CDH18: variants seen among roughly 807,000 people sequenced by gnomAD.
CDH18 encodes cadherin-18.
A neutral mutation model predicts 67.9 loss-of-function variants in CDH18; 31 were observed. The ratio of observed to expected loss-of-function variants is 0.46; its 90% CI spans 0.34 to 0.62. The LOEUF is 0.62. CDH18 is among the 20% of genes least tolerant of loss of function. CDH18 has a pLI of 0.01. For synonymous variants in CDH18, 362 were observed against 347.2 expected, an observed-to-expected ratio of 1.04 and a Z score of -0.48; for missense variants, 890 against 975.5, an observed-to-expected ratio of 0.91 and a Z score of 1.17.
chr5:20,247,914 A>G (rs1202505597), intron 2 of CDH18, among the ~76,000 whole-genome samples: 2 of 152,184 alleles, frequency 1.3e-5, no homozygotes, highest in Non-Finnish European at 2.9e-5. Flanking sequence ...GGAAGATCAC[A>G]TATTTAGAAA....
intron 2 of CDH18, among the ~76,000 whole-genome samples, chr5:20,196,174 T>C (rs574328355): frequency 2.6e-5 from 4 of 152,292 alleles, no homozygotes; most frequent in Non-Finnish European, 5.9e-5. Flanking sequence ...CATCACAATT[T>C]TCCTTTCTGA....
intron 2 of CDH18, among the ~76,000 whole-genome samples, chr5:20,112,227 C>G (rs1747537787): frequency 6.6e-6 from 1 of 152,084 alleles, no homozygotes; most frequent in African/African-American, 2.4e-5. Flanking sequence ...AATAATCCAC[C>G]CCAAGTCAGT....
At chr5:20,432,747 T>C (rs1407148408) in intron 1 of CDH18, among the ~76,000 whole-genome samples, 1 of 151,966 alleles carries the variant, frequency 6.6e-6, no homozygotes, top group Non-Finnish European at 1.5e-5. Context: ...AACAATCCTA[T>C]TTTAACTTAA....
intron 2 of CDH18, among the ~76,000 whole-genome samples, chr5:20,024,951 G>A (rs1001384794): frequency 3.9e-5 from 6 of 151,970 alleles, no homozygotes; most frequent in Non-Finnish European, 5.9e-5. Flanking sequence ...GACCTGCAGA[G>A]TCCTTAATAT....
intron 2 of CDH18, among the ~76,000 whole-genome samples, chr5:19,967,302 C>A (rs1797547647): frequency 6.6e-6 from 1 of 151,824 alleles, no homozygotes; most frequent in Admixed American, 6.6e-5. Context: ...AGACTTTTGA[C>A]CTTAAAGAAA....
At chr5:20,258,959 C>G (rs1001470990) in intron 1 of CDH18, among the ~76,000 whole-genome samples, 1 of 152,074 alleles carries the variant, frequency 6.6e-6, no homozygotes, top group African/African-American at 2.4e-5. Context: ...CCTAGGTAAG[C>G]CGTGTCCAAA....
intron 1 of CDH18, among the ~76,000 whole-genome samples, chr5:20,352,605 C>CCCGT (rs933669110): frequency 1.4e-5 from 2 of 147,342 alleles, no homozygotes; most frequent in African/African-American, 5.1e-5. Flanking sequence ...ACGGTGAAAC[C>CCCGT]CCGTCTCTAC....
chr5:20,267,219 C>T (rs1745108578), intron 1 of CDH18, among the ~76,000 whole-genome samples: 2 of 152,296 alleles, frequency 1.3e-5, no homozygotes, highest in South Asian at 4.1e-4. Context: ...TTCTTATCAT[C>T]TTTGTCAAAG....
intron 5 of CDH18, among the ~76,000 whole-genome samples, chr5:19,664,869 T>C (rs1368668954): frequency 1.3e-5 from 2 of 152,022 alleles, no homozygotes; most frequent in Non-Finnish European, 2.9e-5. Flanking sequence ...TCAAGGACCA[T>C]GTCAGTTTTA....
At chr5:20,413,538 T>C (rs1004493787) in intron 1 of CDH18, among the ~76,000 whole-genome samples, 8 of 152,238 alleles carry the variant, frequency 5.3e-5, no homozygotes, top group Non-Finnish European at 8.8e-5. Flanking sequence ...ATTGTGGTTT[T>C]GATTTGCATT....
At chr5:20,293,268 G>A (rs1747240923) in intron 1 of CDH18, among the ~76,000 whole-genome samples, 1 of 152,088 alleles carries the variant, frequency 6.6e-6, no homozygotes, top group Admixed American at 6.6e-5. Context: ...AGTGAGCTGA[G>A]ATCACGCCAT....
Position 20,407,116 on chromosome 5 carries a change from A to G in CDH18, c.-579-151611T>C, listed in dbSNP as rs145137864. 1.2e-4 allele frequency among the ~76,000 whole-genome samples: 19 copies of G among 152,304 alleles called. No individual in the cohort carries two copies. The East Asian group carries it at 3.7e-3, about 29-fold the overall frequency. ...TAGACCCCCAGGTATTTAAAAGAAC[A>G]ATATAGTAGTCTAAACTGGCACAGA... On this transcript the variant is annotated intron_variant, in intron 1 of 14. Transcript: ENST00000507958.
At chr5:20,159,425 A>C (rs1189983353) in intron 2 of CDH18, among the ~76,000 whole-genome samples, 1 of 152,190 alleles carries the variant, frequency 6.6e-6, no homozygotes, top group African/African-American at 2.4e-5. Context: ...GCCAGGAGTA[A>C]AGTTCGACTA....
intron 2 of CDH18, among the ~76,000 whole-genome samples, chr5:19,878,700 A>C (rs537490116): frequency 1.3e-5 from 2 of 152,154 alleles, no homozygotes; most frequent in Non-Finnish European, 2.9e-5. Flanking sequence ...GTTCATAAAC[A>C]TTAAGCAACT....
chr5:19,929,581 A>T (rs568888665), intron 2 of CDH18, among the ~76,000 whole-genome samples: 1 of 152,186 alleles, frequency 6.6e-6, no homozygotes, highest in South Asian at 2.1e-4. Flanking sequence ...AACAATTTTT[A>T]ATTTTGATGT....
chr5:20,471,531 G>T (rs1006062678), intron 1 of CDH18, among the ~76,000 whole-genome samples: 1 of 152,062 alleles, frequency 6.6e-6, no homozygotes, highest in Admixed American at 6.5e-5. Flanking sequence ...GCAGGGCACG[G>T]TGGCTCACAC....
At chr5:20,250,449 C>T (rs373518152) in intron 2 of CDH18, among the ~76,000 whole-genome samples, 4 of 151,930 alleles carry the variant, frequency 2.6e-5, no homozygotes, top group East Asian at 3.9e-4. Context: ...CCCGCCACCA[C>T]GCCCAGTTAA....
chr5:19,639,168 A>G (rs1189905855), intron 5 of CDH18, among the ~76,000 whole-genome samples: 1 of 151,578 alleles, frequency 6.6e-6, no homozygotes, highest in African/African-American at 2.4e-5. Flanking sequence ...ATGCCTGGCT[A>G]ATTTTTTGTA....
Position 20,108,635 on chromosome 5 carries a change from C to T in CDH18, c.-517-116621G>A, listed in dbSNP as rs534337658. Reference sequence around the variant, plus strand: ...TTCATCTCCGCCTCCCTACTAACCACAGCCTAGCATACCTGGATCAGCTTA... The same window carrying T: ...TTCATCTCCGCCTCCCTACTAACCATAGCCTAGCATACCTGGATCAGCTTA... On this transcript the variant is annotated intron_variant, in intron 2 of 14. Coordinates refer to the CDH18 transcript ENST00000507958. 7.2e-5 allele frequency among the ~76,000 whole-genome samples: 11 copies of T among 152,248 alleles called. 1 individual carries two copies. In the South Asian group the frequency reaches 2.3e-3, roughly 32 times the overall value.
Sources: gnomAD v4.1 joint callset for allele counts (sites outside exome capture counted in the v4.1 genomes callset) on GRCh38, gnomAD v4.1.1 for gene constraint, MANE v1.5 for transcripts, NCBI Gene and HGNC (gene_info 2026-07-23, HGNC 2026-07-21) for gene names.